Variants in LRP1B observed in about 807,000 individuals in gnomAD.
The protein encoded by LRP1B is LDL receptor related protein 1B.
LRP1B carries 217 observed loss-of-function variants against 556.6 expected under a neutral mutation model. That is an observed-to-expected ratio of 0.39 (90% CI 0.35 to 0.44). The LOEUF (loss-of-function observed/expected upper bound fraction) is 0.44, where lower values mean the gene tolerates loss of function less well. Among genes scored for constraint, LRP1B ranks in the 20% least tolerant of loss-of-function variants. LRP1B has a pLI of 1.00. For missense variants in LRP1B, 5,053 were observed against 5,620.8 expected (o/e 0.90, Z 3.23); for synonymous variants, 2,047 against 1,865.8 (o/e 1.10, Z -2.50).
At chr2:141,413,631 G>A (rs978406580) in intron 3 of LRP1B, among the ~76,000 whole-genome samples, 1 of 152,180 alleles carries the variant, frequency 6.6e-6, no homozygotes, top group Non-Finnish European at 1.5e-5. Context: ...TGCAGGATTG[G>A]TTGCATGCAG....
At chr2:140,498,124 A>G (rs1045240544) in intron 55 of LRP1B, among the ~76,000 whole-genome samples, 4 of 151,934 alleles carry the variant, frequency 2.6e-5, no homozygotes, top group African/African-American at 9.7e-5. Context: ...AAATAAGATT[A>G]GAATGTTCTC....
chr2:141,156,602 C>T (rs888594287), intron 7 of LRP1B, among the ~76,000 whole-genome samples: 22 of 149,844 alleles, frequency 1.5e-4, no homozygotes, highest in African/African-American at 4.7e-4. Context: ...CACTCCATCC[C>T]GGGCGACAGG....
intron 6 of LRP1B, among the ~76,000 whole-genome samples, chr2:141,214,059 T>A (rs760024972): frequency 5.9e-5 from 9 of 152,248 alleles, no homozygotes; most frequent in Non-Finnish European, 1.0e-4. Flanking sequence ...TAAATATTTT[T>A]GATCGATGGT....
rs1259244233 is a variant in LRP1B at position 140,929,753 on chromosome 2, G to GACACACACAC, written c.3137-6607_3137-6606insGTGTGTGTGT. 7.4e-5 allele frequency among the ~76,000 whole-genome samples: 4 copies of GACACACACAC among 54,338 alleles called. 1 individual carries two copies. In the South Asian group the frequency reaches 2.5e-3, roughly 34 times the overall value. The allele number at this position is 54,338 out of a possible 152,430, so 35.6% of individuals were successfully genotyped here. A position where few individuals can be genotyped will look rare whatever the true frequency, so the allele number is the denominator to read the frequency against. On this transcript the variant is annotated intron_variant, in intron 20 of 90. Transcript: ENST00000389484. ...TTAAAGTTTATACCACAGTCATATA[G>GACACACACAC]ACTCACACACACACACACACACACA... is the stretch of plus-strand genomic sequence containing the variant.
chr2:141,772,533 T>C (rs550015363), intron 2 of LRP1B, among the ~76,000 whole-genome samples: 8 of 152,268 alleles, frequency 5.3e-5, no homozygotes, highest in Non-Finnish European at 7.4e-5. Context: ...AATCAGTAAC[T>C]CTGGGATAGG....
intron 35 of LRP1B, among the ~76,000 whole-genome samples, chr2:140,755,951 A>G (rs574371853): frequency 2.0e-4 from 30 of 152,136 alleles, no homozygotes; most frequent in Non-Finnish European, 3.4e-4. Context: ...TCTTGTATAG[A>G]GAAAATCCTA....
intron 2 of LRP1B, among the ~76,000 whole-genome samples, chr2:141,741,811 T>C (rs74730755): frequency 0.062 from 9,410 of 152,272 alleles, 400 homozygotes; most frequent in Middle Eastern, 0.11. Flanking sequence ...ATCTTCTTTG[T>C]CCATTTTTGC....
At chr2:141,775,842 C>CTTT (rs770939865) in intron 2 of LRP1B, among the ~76,000 whole-genome samples, 14,775 of 134,350 alleles carry the variant, frequency 0.11, 937 homozygotes, top group Middle Eastern at 0.19. Context: ...TCAGGTTTTC[C>CTTT]TTTTTTTTTT....
At chr2:141,060,399 G>A (rs1699303311) in intron 8 of LRP1B, among the ~76,000 whole-genome samples, 1 of 151,670 alleles carries the variant, frequency 6.6e-6, no homozygotes, top group South Asian at 2.1e-4. Context: ...AGGCATATGT[G>A]TATTTACTAA....
intron 6 of LRP1B, among the ~76,000 whole-genome samples, chr2:141,205,742 A>AT (rs1378074297): frequency 1.3e-5 from 2 of 152,200 alleles, no homozygotes; most frequent in Non-Finnish European, 2.9e-5. Context: ...TATTTTTCAA[A>AT]TGTCTTTGAA....
At chr2:140,952,993 A>G (rs1695763546) in intron 18 of LRP1B, among the ~76,000 whole-genome samples, 1 of 152,218 alleles carries the variant, frequency 6.6e-6, no homozygotes, top group Non-Finnish European at 1.5e-5. Context: ...TATTTAAAGA[A>G]GAAAAATAAG....
intron 62 of LRP1B, among the ~76,000 whole-genome samples, chr2:140,453,491 A>ATT (rs1686964724): frequency 6.6e-6 from 1 of 152,042 alleles, no homozygotes. Context: ...TCATAAAATA[A>ATT]ACTGTAGACT....
rs79781641 is a variant in LRP1B at position 142,004,531 on chromosome 2, T to A, written c.82+126117A>T. Among the ~76,000 whole-genome samples the A allele has an allele frequency of 5.4e-3, 825 of 152,064 alleles. 3 individuals are homozygous for A. Among genetic ancestry groups the A allele is most frequent in the Middle Eastern group, 0.014 (4 of 292 alleles). ...TTTGAAATTGCTATTATAGAAAATATATATTTCTATATTATTTGAAAACAC... is the reference window on the plus strand; with the variant it reads ...TTTGAAATTGCTATTATAGAAAATAAATATTTCTATATTATTTGAAAACAC... On this transcript the variant is annotated intron_variant, in intron 1 of 90. Transcript: ENST00000389484.
chr2:140,927,558 T>C (rs1310100261), intron 20 of LRP1B, among the ~76,000 whole-genome samples: 1 of 152,154 alleles, frequency 6.6e-6, no homozygotes, highest in Admixed American at 6.6e-5. Context: ...TTAATTTTTA[T>C]ATTTAAATCA....
chr2:140,364,121 T>C (rs1682643632), intron 72 of LRP1B, among the ~76,000 whole-genome samples: 1 of 151,632 alleles, frequency 6.6e-6, no homozygotes, highest in South Asian at 2.1e-4. Flanking sequence ...GTTAAGACTT[T>C]TTAAGTTTAA....
chr2:140,282,607 AGT>A (rs2104968453), intron 84 of LRP1B, among the ~76,000 whole-genome samples: 1 of 151,876 alleles, frequency 6.6e-6, no homozygotes, highest in East Asian at 1.9e-4. Context: ...CCTACCCAGC[AGT>A]TGGAATATTA....
chr2:141,823,635 G>A (rs1239341833), intron 1 of LRP1B, among the ~76,000 whole-genome samples: 2 of 152,250 alleles, frequency 1.3e-5, no homozygotes, highest in African/African-American at 4.8e-5. Context: ...TTAAATAATA[G>A]TTCATATTAT....
At chr2:140,712,803 A>AGAAC (rs2105453652) in intron 37 of LRP1B, among the ~76,000 whole-genome samples, 1 of 152,012 alleles carries the variant, frequency 6.6e-6, no homozygotes, top group East Asian at 1.9e-4. Flanking sequence ...CACCAGTTAC[A>AGAAC]TGTTCTGTTC....
At chr2:142,110,313 G>GA (rs1559076066) in intron 1 of LRP1B, among the ~76,000 whole-genome samples, 3 of 151,960 alleles carry the variant, frequency 2.0e-5, no homozygotes, top group Non-Finnish European at 4.4e-5. Flanking sequence ...ATGAAAATCA[G>GA]AAAAATCTTT....
Sources: allele counts gnomAD v4.1 joint callset (sites outside exome capture counted in the v4.1 genomes callset), GRCh38; gene constraint gnomAD v4.1.1; transcripts MANE v1.5; gene names NCBI Gene and HGNC (gene_info 2026-07-23, HGNC 2026-07-21).